The following SH3RF1 variants were observed in gnomAD, a reference collection of about 807,000 sequenced individuals.
SH3RF1 encodes E3 ubiquitin-protein ligase SH3RF1.
In SH3RF1, 32 loss-of-function variants were observed where a neutral mutation model predicts 74.0. The observed-to-expected ratio is 0.43, with a 90% confidence interval of 0.33 to 0.58. The LOEUF (loss-of-function observed/expected upper bound fraction) is 0.58. Ranked by LOEUF, SH3RF1 falls within the 20% of genes least tolerant of loss-of-function variation. The pLI, the probability that SH3RF1 is intolerant of heterozygous loss-of-function variation, is 0.05. For synonymous variants in SH3RF1, 396 were observed against 439.6 expected, an observed-to-expected ratio of 0.90 and a Z score of 1.24; for missense variants, 954 against 1,130.9, an observed-to-expected ratio of 0.84 and a Z score of 2.24.
intron 4 of SH3RF1, among the ~76,000 whole-genome samples, chr4:169,140,107 A>G (rs918711714): frequency 3.3e-5 from 5 of 152,228 alleles, no homozygotes; most frequent in African/African-American, 1.2e-4. Flanking sequence ...ATTAAAAAAC[A>G]CTGCTCCTTG....
At position 169,145,564 on chromosome 4, in the gene SH3RF1, A is replaced by T. The variant is rs186803095; in HGVS notation, c.766-8944T>A. Among the ~76,000 whole-genome samples, 1,342 of 148,050 alleles carry T rather than the reference A, an allele frequency of 9.1e-3. 17 individuals are homozygous for T. Among genetic ancestry groups the T allele is most frequent in the African/African-American group, 0.031 (1,259 of 40,664 alleles). ...CACATGTACCCCCCGAATCTGTAAA[A>T]ATATATATATATTATATATCATATA... On this transcript the variant is annotated intron_variant, in intron 4 of 11. Transcript: ENST00000284637.
chr4:169,145,314 A>G (rs952388696), intron 4 of SH3RF1, among the ~76,000 whole-genome samples: 1 of 152,112 alleles, frequency 6.6e-6, no homozygotes, highest in Non-Finnish European at 1.5e-5. Flanking sequence ...TCATTATCCT[A>G]AGTGAAATCA....
chr4:169,116,809 C>T (rs529012796), intron 9 of SH3RF1, among the ~76,000 whole-genome samples, 179 bp from the exon 10 acceptor site: 1 of 152,306 alleles, frequency 6.6e-6, no homozygotes, highest in South Asian at 2.1e-4. Context: ...TCCCCAGACA[C>T]TATCTATTGT....
intron 2 of SH3RF1, among the ~76,000 whole-genome samples, chr4:169,252,413 A>C (rs1731120515): frequency 6.6e-6 from 1 of 152,234 alleles, no homozygotes; most frequent in Admixed American, 6.5e-5. Context: ...TCAGCTTTTA[A>C]AATGTTTTCA....
intron 2 of SH3RF1, among the ~76,000 whole-genome samples, chr4:169,196,897 ATC>A (rs1942287041): frequency 6.6e-6 from 1 of 151,950 alleles, no homozygotes; most frequent in Non-Finnish European, 1.5e-5. Context: ...AGACATGTTA[ATC>A]TCTATTTTTA....
chr4:169,159,183 A>G (rs1199729666), intron 2 of SH3RF1, among the ~76,000 whole-genome samples: 1 of 152,134 alleles, frequency 6.6e-6, no homozygotes, highest in East Asian at 1.9e-4. Flanking sequence ...GTCATTCACA[A>G]CGCTGTGTAC....
At chr4:169,176,691 C>T (rs747577929) in intron 2 of SH3RF1, among the ~76,000 whole-genome samples, 1 of 152,094 alleles carries the variant, frequency 6.6e-6, no homozygotes, top group Non-Finnish European at 1.5e-5. Context: ...CAGGCATGCA[C>T]CACCATGCCT....
At chr4:169,228,462 C>T (rs910125071) in intron 2 of SH3RF1, among the ~76,000 whole-genome samples, 1 of 152,146 alleles carries the variant, frequency 6.6e-6, no homozygotes, top group Non-Finnish European at 1.5e-5. Context: ...GCCTGCATCA[C>T]TTGCCTTGGG....
intron 2 of SH3RF1, among the ~76,000 whole-genome samples, chr4:169,251,630 T>C (rs942680924): frequency 2.0e-5 from 3 of 152,316 alleles, no homozygotes; most frequent in African/African-American, 2.4e-5. Context: ...ATTTTAAGGA[T>C]TGTGAGAAAT....
chr4:169,269,203 A>G lies in SH3RF1; in HGVS notation c.10T>C (p.Ser4Pro), dbSNP rs1365534049. The G allele has an allele frequency of 6.3e-7, 1 of 1,579,430 alleles. No individual in the cohort carries two copies. The highest frequency in any genetic ancestry group is 8.6e-7 in the Non-Finnish European group (1 of 1,166,740). Reference sequence around the variant, plus strand: ...CACTCCAAAAGATCCAACAAGGCTGATTCATCCATCTTTATCTACTTTACT... The same window carrying G: ...CACTCCAAAAGATCCAACAAGGCTGGTTCATCCATCTTTATCTACTTTACT... The part of the protein sequence containing the change: MDE[S>P]ALLDLLECPV... The change falls in exon 2 of 12, where the codon TCA (serine) becomes CCA (proline). Residue 4 changes from serine to proline, a missense_variant. Physicochemically the swap from Ser to Pro is moderately conservative, Grantham distance 74 (BLOSUM62 -1). Coordinates refer to ENST00000284637, the MANE Select transcript of SH3RF1 (RefSeq NM_020870.4).
intron 2 of SH3RF1, among the ~76,000 whole-genome samples, chr4:169,264,796 A>G (rs771654321): frequency 2.0e-5 from 3 of 152,088 alleles, no homozygotes; most frequent in Non-Finnish European, 4.4e-5. Flanking sequence ...TACATTATCA[A>G]ATTTGAGGCC....
intron 8 of SH3RF1, 46 bp downstream of exon 8, chr4:169,120,773 A>G: frequency 6.3e-7 from 1 of 1,593,792 alleles, no homozygotes; most frequent in African/African-American, 1.3e-5. Flanking sequence ...AAAAGAACAA[A>G]GCTTCTCTGT....
chr4:169,117,641 A>C lies in SH3RF1; in HGVS notation c.1659T>G (p.Ser553Arg). The C allele has an allele frequency of 6.2e-7, 1 of 1,614,174 alleles. No individual in the cohort carries two copies. Among genetic ancestry groups the C allele is most frequent in the Non-Finnish European group, 8.5e-7 (1 of 1,180,024 alleles). Residue 553 changes from serine (S) to arginine (R), a missense_variant, in exon 9 of 12, where the codon AGT becomes AGG. Ser to Arg is a moderately radical substitution (Grantham distance 110, BLOSUM62 -1). Transcript: ENST00000284637. ...LQGNGVAGSP[S>R]VVPAAVVSAA... Reference sequence around the variant, plus strand: ...CTGATACCACAGCTGCGGGGACAACACTGGGACTCCCAGCCACGCCATTTC... The same window carrying C: ...CTGATACCACAGCTGCGGGGACAACCCTGGGACTCCCAGCCACGCCATTTC...
intron 2 of SH3RF1, chr4:169,220,335 T>C (rs1730545638): frequency 6.6e-6 from 1 of 152,228 alleles, no homozygotes; most frequent in Non-Finnish European, 1.5e-5. Flanking sequence ...GAAGAATAAA[T>C]TTCATTTTAA....
chr4:169,206,234 T>C (rs1047753795), intron 2 of SH3RF1, among the ~76,000 whole-genome samples: 1 of 152,238 alleles, frequency 6.6e-6, no homozygotes, highest in Admixed American at 6.5e-5. Flanking sequence ...TTCTAAATAT[T>C]TGAAAATGAT....
chr4:169,146,707 C>T (rs568589381), intron 4 of SH3RF1, among the ~76,000 whole-genome samples: 5 of 151,920 alleles, frequency 3.3e-5, no homozygotes, highest in East Asian at 1.9e-4. Context: ...CAGGGGTAAG[C>T]GATTCTCTTG....
chr4:169,113,133 CAG>C (rs1733268632), intron 10 of SH3RF1, among the ~76,000 whole-genome samples: 4 of 151,912 alleles, frequency 2.6e-5, no homozygotes, highest in Admixed American at 2.0e-4. Flanking sequence ...CCCCCTGAGA[CAG>C]AGTCTCACTC....
chr4:169,239,565 C>T (rs1486289511), intron 2 of SH3RF1, among the ~76,000 whole-genome samples: 2 of 152,176 alleles, frequency 1.3e-5, no homozygotes, highest in East Asian at 1.9e-4. Flanking sequence ...AAAGGCATCA[C>T]GTTAAGGTTT....
At chr4:169,151,860 T>C (rs996554015) in intron 4 of SH3RF1, among the ~76,000 whole-genome samples, 3 of 152,214 alleles carry the variant, frequency 2.0e-5, no homozygotes, top group African/African-American at 7.2e-5. Context: ...AAGCCTACAA[T>C]ACACAATTAT....
Sources: gnomAD v4.1 joint callset for allele counts (sites outside exome capture counted in the v4.1 genomes callset) on GRCh38, gnomAD v4.1.1 for gene constraint, MANE v1.5 for transcripts, NCBI Gene and HGNC (gene_info 2026-07-23, HGNC 2026-07-21) for gene names.